TPX2: variants seen among roughly 807,000 people sequenced by gnomAD.
TPX2 encodes targeting protein for Xklp2.
Under a neutral mutation model 93.6 loss-of-function variants are expected in TPX2, and 21 were observed. That is an observed-to-expected ratio of 0.22 (90% CI 0.16 to 0.32). The LOEUF is 0.32. TPX2 is among the 10% of genes least tolerant of loss of function. The pLI, the probability that TPX2 is intolerant of heterozygous loss-of-function variation, is 1.00. For missense variants in TPX2, 776 were observed against 871.1 expected (o/e 0.89, Z 1.37); for synonymous variants, 281 against 298.3 (o/e 0.94, Z 0.60).
At chr20:31,768,828 C>T (rs1167605090) in intron 5 of TPX2, among the ~76,000 whole-genome samples, 1 of 151,932 alleles carries the variant, frequency 6.6e-6, no homozygotes, top group Non-Finnish European at 1.5e-5. Context: ...ATGGCCGATA[C>T]ACATGTGAAA....
At position 31,776,048 on chromosome 20, in the gene TPX2, GTGTTTTTTTTTTTTTTTTTTTTTTT is replaced by G; in HGVS notation, c.730+62_730+86del. On this transcript the variant is annotated intron_variant, in intron 8 of 17. Coordinates refer to ENST00000300403, the MANE Select transcript of TPX2 (RefSeq NM_012112.5). ...GGGTGGTTCTTAACACTCTTGGTAGGTGTTTTTTTTTTTTTTTTTTTTTTTTTTTTTTTTTTTTTTTTTGAGACGG... is the reference window on the plus strand; with the variant it reads ...GGGTGGTTCTTAACACTCTTGGTAGGTTTTTTTTTTTTTTTTTTGAGACGG... 538 of 329,080 alleles carry G rather than the reference GTGTTTTTTTTTTTTTTTTTTTTTTT, an allele frequency of 1.6e-3. 17 individuals are homozygous for G. The highest frequency in any genetic ancestry group is 2.2e-3 in the Non-Finnish European group (472 of 219,518). The allele number at this position is 329,080 out of a possible 1,614,324, so 20.4% of individuals were successfully genotyped here. A position where few individuals can be genotyped will look rare whatever the true frequency, so the allele number is the denominator to read the frequency against.
intron 2 of TPX2, among the ~76,000 whole-genome samples, chr20:31,750,054 C>T (rs925857421): frequency 1.3e-5 from 2 of 152,044 alleles, no homozygotes; most frequent in African/African-American, 4.8e-5. Flanking sequence ...TCTCCTGCCT[C>T]TGCCTCCCGA....
At chr20:31,799,484 T>A (rs1453742318) in intron 17 of TPX2, among the ~76,000 whole-genome samples, 1 of 152,246 alleles carries the variant, frequency 6.6e-6, no homozygotes, top group Admixed American at 6.5e-5. Flanking sequence ...CACACTACAA[T>A]GTTAATTAGC....
intron 2 of TPX2, among the ~76,000 whole-genome samples, chr20:31,744,007 C>T (rs2061768689): frequency 6.6e-6 from 1 of 151,718 alleles, no homozygotes; most frequent in African/African-American, 2.4e-5. Context: ...AGGCGTGAGC[C>T]ACCGTGCCTG....
In TPX2 at chr20:31,783,986, C is replaced by T; in HGVS notation, c.1413+65C>T. On this transcript the variant is annotated intron_variant, in intron 12 of 17. Coordinates refer to ENST00000300403, the MANE Select transcript of TPX2 (RefSeq NM_012112.5). ...TCATGACCAGATATCCACCCATTCA[C>T]ACAAAAGTTTGGGTAGATATTATGA... The T allele has an allele frequency of 1.9e-6, 3 of 1,553,558 alleles. No homozygotes were observed. The South Asian group carries it at 3.4e-5, about 18-fold the overall frequency.
intron 4 of TPX2, among the ~76,000 whole-genome samples, chr20:31,765,515 T>C (rs2061919513): frequency 6.6e-6 from 1 of 151,952 alleles, no homozygotes. Context: ...CTCACTGTGT[T>C]GCCCAAGCTG....
At chr20:31,745,485 A>C (rs2061778628) in intron 2 of TPX2, among the ~76,000 whole-genome samples, 1 of 151,978 alleles carries the variant, frequency 6.6e-6, no homozygotes, top group Admixed American at 6.6e-5. Context: ...ACGCCACCAC[A>C]CCTGGCTAAT....
chr20:31,790,903 G>A (rs1225040688), intron 12 of TPX2, among the ~76,000 whole-genome samples: 1 of 152,156 alleles, frequency 6.6e-6, no homozygotes, highest in Non-Finnish European at 1.5e-5. Context: ...ATGGGATAAA[G>A]GGGTCAGTTC....
In TPX2 at chr20:31,798,429, G is replaced by T. The variant is rs781200449; in HGVS notation, c.2010G>T (p.Glu670Asp). The T allele has an allele frequency of 6.2e-7, 1 of 1,613,980 alleles. No individual in the cohort carries two copies. The highest frequency in any genetic ancestry group is 2.2e-5 in the East Asian group (1 of 44,904). The part of the protein sequence containing the change: ...FQLATEKRAK[E>D]RQELEKRMAE... ...TGGCTACTGAGAAGAGAGCCAAAGA[G>T]CGGCAGGAGCTGGAGAAGAGAATGG... Residue 670 changes from glutamate (E) to aspartate (D), a missense_variant, in exon 17 of 18, where the codon GAG becomes GAT. Around this residue, in one of 3 missense-constraint regions of TPX2, gnomAD observed 461 missense variants for 551.2 expected, o/e 0.84. Coordinates refer to ENST00000300403, the MANE Select transcript of TPX2 (RefSeq NM_012112.5).
intron 17 of TPX2, among the ~76,000 whole-genome samples, chr20:31,800,225 T>C (rs1286968374): frequency 1.3e-5 from 2 of 152,230 alleles, no homozygotes; most frequent in African/African-American, 4.8e-5. Flanking sequence ...GACTACCATT[T>C]GCTGAGTGAA....
intron 4 of TPX2, among the ~76,000 whole-genome samples, chr20:31,763,254 A>G (rs887896465): frequency 6.6e-6 from 1 of 152,032 alleles, no homozygotes; most frequent in African/African-American, 2.4e-5. Context: ...ATCTTGGCTT[A>G]CTGCAACCTC....
At chr20:31,778,455 AT>A (rs907130105) in intron 9 of TPX2, among the ~76,000 whole-genome samples, 19 of 148,582 alleles carry the variant, frequency 1.3e-4, no homozygotes, top group East Asian at 7.9e-4. Context: ...GGCCCAATCA[AT>A]TTTTTTTTTT....
intron 1 of TPX2, among the ~76,000 whole-genome samples, chr20:31,740,881 T>C (rs1169746386): frequency 1.3e-5 from 2 of 152,170 alleles, no homozygotes; most frequent in African/African-American, 2.4e-5. Context: ...ACCTGTTGAA[T>C]TGAGTAGGCA....
chr20:31,749,778 A>G (rs930947674), intron 2 of TPX2, among the ~76,000 whole-genome samples: 2 of 152,194 alleles, frequency 1.3e-5, no homozygotes, highest in Admixed American at 1.3e-4. Context: ...CTGGGCGACA[A>G]GAGTGAAACT....
intron 2 of TPX2, among the ~76,000 whole-genome samples, chr20:31,747,456 G>GTCTATCTATCTATCTATCTATCTA (rs1275554299): frequency 6.6e-6 from 1 of 151,800 alleles, no homozygotes; most frequent in African/African-American, 2.4e-5. Context: ...CTGTCTGTCT[G>GTCTATCTATCTATCTATCTATCTA]TCTGTCTATC....
rs753204241 is a variant in TPX2 at position 31,783,866 on chromosome 20, A to G, written c.1358A>G (p.Glu453Gly). Residue 453 changes from glutamate (E) to glycine (G), a missense_variant, in exon 12 of 18, where the codon GAA becomes GGA. Glu to Gly is a moderately conservative substitution (Grantham distance 98). This residue lies in a region of TPX2 where 461 missense variants were observed against 551.2 expected (regional missense o/e 0.84). Transcript: ENST00000300403. ...GAATCAAAGAAGAAAACAGAGGATG[A>G]ACACTTTGAATTTCATTCCAGACCT... ...ERESKKKTED[E>G]HFEFHSRPCP... 9 of 1,609,502 alleles carry G rather than the reference A, an allele frequency of 5.6e-6. No individual in the cohort carries two copies. The South Asian group carries it at 8.9e-5, about 16-fold the overall frequency.
At chr20:31,773,143 A>ATTTTTTTTTT (rs769516478) in intron 7 of TPX2, among the ~76,000 whole-genome samples, 8 of 102,354 alleles carry the variant, frequency 7.8e-5, no homozygotes, top group African/African-American at 2.8e-4. Flanking sequence ...CACCCGGCTA[A>ATTTTTTTTTT]TTTTTTTTTT....
chr20:31,746,940 T>A (rs543772705), intron 2 of TPX2, among the ~76,000 whole-genome samples: 21 of 152,308 alleles, frequency 1.4e-4, no homozygotes, highest in South Asian at 6.2e-4. Flanking sequence ...TCCGCAGGTC[T>A]GTCTGTATCT....
At chr20:31,790,483 G>A (rs2056072765) in intron 12 of TPX2, among the ~76,000 whole-genome samples, 1 of 152,152 alleles carries the variant, frequency 6.6e-6, no homozygotes, top group South Asian at 2.1e-4. Context: ...TAAAACTTCT[G>A]AGTAGTCCAA....
Sources: allele counts gnomAD v4.1 joint callset (sites outside exome capture counted in the v4.1 genomes callset), GRCh38; gene constraint gnomAD v4.1.1; regional missense constraint gnomAD v4.1.1; transcripts MANE v1.5; gene names NCBI Gene and HGNC (gene_info 2026-07-23, HGNC 2026-07-21).